The following PARD3 variants were observed in gnomAD, a reference collection of about 807,000 sequenced individuals.
PARD3 encodes partitioning defective 3 homolog.
PARD3 carries 75 observed loss-of-function variants against 155.4 expected under a neutral mutation model. That is an observed-to-expected ratio of 0.48 (90% CI 0.40 to 0.58). The LOEUF (loss-of-function observed/expected upper bound fraction) is 0.58. Ranked by LOEUF, PARD3 falls within the 20% of genes least tolerant of loss-of-function variation. The pLI is 0.00. For synonymous variants in PARD3, 576 were observed against 610.5 expected (o/e 0.94, Z 0.83); for missense variants, 1,642 against 1,721.7 (o/e 0.95, Z 0.82).
At chr10:34,215,597 G>A (rs575375263) in intron 22 of PARD3, among the ~76,000 whole-genome samples, 1 of 152,306 alleles carries the variant, frequency 6.6e-6, no homozygotes, top group East Asian at 1.9e-4. Flanking sequence ...GAATTTTGAA[G>A]AGTTCCAACT....
intron 2 of PARD3, among the ~76,000 whole-genome samples, chr10:34,642,471 T>C (rs74132081): frequency 6.6e-6 from 1 of 152,046 alleles, no homozygotes; most frequent in Non-Finnish European, 1.5e-5. Flanking sequence ...CTGCTCTTCC[T>C]GAGACCCTGA....
chr10:34,308,499 T>C (rs1957528535), intron 20 of PARD3, among the ~76,000 whole-genome samples: 1 of 152,034 alleles, frequency 6.6e-6, no homozygotes, highest in African/African-American at 2.4e-5. Context: ...TAAGGGAAAA[T>C]CAGGTGTCAA....
At chr10:34,569,663 C>T (rs56777924) in intron 2 of PARD3, among the ~76,000 whole-genome samples, 60,535 of 151,796 alleles carry the variant, frequency 0.4, 12,138 homozygotes, top group South Asian at 0.45. Flanking sequence ...GTGATCCGCC[C>T]GCCTCCGCCT....
At chr10:34,138,926 T>C (rs1481044139) in intron 22 of PARD3, among the ~76,000 whole-genome samples, 1 of 150,436 alleles carries the variant, frequency 6.6e-6, no homozygotes, top group Non-Finnish European at 1.5e-5. Context: ...TTCCAAATTG[T>C]ATCAACAATC....
intron 20 of PARD3, among the ~76,000 whole-genome samples, chr10:34,289,456 C>T (rs1956568371): frequency 1.3e-5 from 2 of 152,048 alleles, no homozygotes; most frequent in African/African-American, 2.4e-5. Context: ...TCCCAAAGTG[C>T]TGGGACTACA....
chr10:34,684,878 T>TACACACATACAC (rs1554810260), intron 2 of PARD3, among the ~76,000 whole-genome samples: 3 of 137,886 alleles, frequency 2.2e-5, no homozygotes, highest in Non-Finnish European at 3.1e-5. Flanking sequence ...TACACACACA[T>TACACACATACAC]ACACACACAC....
chr10:34,390,964 T>G (rs1279548371), intron 7 of PARD3, among the ~76,000 whole-genome samples: 2 of 152,178 alleles, frequency 1.3e-5, no homozygotes, highest in Non-Finnish European at 2.9e-5. Flanking sequence ...ATAGAGAATG[T>G]CAATTCCAAA....
intron 2 of PARD3, among the ~76,000 whole-genome samples, chr10:34,668,317 C>G (rs2093539258): frequency 6.6e-6 from 1 of 152,176 alleles, no homozygotes; most frequent in Non-Finnish European, 1.5e-5. Context: ...TCTGGAGAAC[C>G]CTTCTCTTTT....
intron 2 of PARD3, among the ~76,000 whole-genome samples, chr10:34,622,524 C>T (rs1292675226): frequency 6.6e-6 from 1 of 152,174 alleles, no homozygotes; most frequent in African/African-American, 2.4e-5. Context: ...AAGTTATTCC[C>T]TCCTTGATGG....
At chr10:34,572,481 A>T (rs1298457707) in intron 2 of PARD3, among the ~76,000 whole-genome samples, 2 of 152,046 alleles carry the variant, frequency 1.3e-5, no homozygotes, top group African/African-American at 4.8e-5. Context: ...CTCTACCAAA[A>T]ATACAAAAAT....
chr10:34,375,833 AT>A (rs1219097112), intron 10 of PARD3, among the ~76,000 whole-genome samples: 1 of 152,196 alleles, frequency 6.6e-6, no homozygotes, highest in African/African-American at 2.4e-5. Context: ...ATTTCAGAAC[AT>A]TTCCCCTTCT....
intron 22 of PARD3, among the ~76,000 whole-genome samples, chr10:34,229,912 G>A (rs1171473322): frequency 2.0e-5 from 3 of 152,162 alleles, no homozygotes; most frequent in Admixed American, 2.0e-4. Context: ...TTACATAAAA[G>A]TCTTAAGTGA....
chr10:34,172,522 GGAC>G (rs1247593746), intron 22 of PARD3, among the ~76,000 whole-genome samples: 2 of 151,978 alleles, frequency 1.3e-5, no homozygotes, highest in Non-Finnish European at 2.9e-5. Context: ...TGTTATTTAG[GGAC>G]CTTTTAAAAA....
chr10:34,705,768 C>G (rs1158766728), intron 1 of PARD3, among the ~76,000 whole-genome samples: 1 of 152,322 alleles, frequency 6.6e-6, no homozygotes, highest in East Asian at 1.9e-4. Context: ...CTCAGCACCA[C>G]AACACAAGAC....
chr10:34,441,282 T>C (rs1348436960), intron 5 of PARD3, among the ~76,000 whole-genome samples: 1 of 152,120 alleles, frequency 6.6e-6, no homozygotes, highest in East Asian at 1.9e-4. Flanking sequence ...AAAGAAAACA[T>C]CTTATGAGTG....
chr10:34,336,076 T>A, intron 18 of PARD3, 123 bp downstream of exon 18: 1 of 664,512 alleles, frequency 1.5e-6, no homozygotes, highest in Non-Finnish European at 2.6e-6. Context: ...TTTCTCACAA[T>A]GAAAACATCT....
intron 22 of PARD3, among the ~76,000 whole-genome samples, chr10:34,233,321 C>T (rs534430744): frequency 6.6e-6 from 1 of 152,016 alleles, no homozygotes; most frequent in Admixed American, 6.6e-5. Context: ...CCTGCTACCC[C>T]ATCTCAGTTT....
intron 3 of PARD3, among the ~76,000 whole-genome samples, chr10:34,496,528 C>T (rs765475452): frequency 8.5e-5 from 13 of 152,180 alleles, no homozygotes; most frequent in Non-Finnish European, 1.5e-4. Flanking sequence ...AAATTGAAAT[C>T]GGAGTTATAT....
intron 4 of PARD3, among the ~76,000 whole-genome samples, chr10:34,467,099 T>C (rs2078056818): frequency 6.6e-6 from 1 of 152,074 alleles, no homozygotes; most frequent in Admixed American, 6.5e-5. Context: ...ATTTTTAAGA[T>C]AAATATTATA....
Sources: gnomAD v4.1 joint callset for allele counts (sites outside exome capture counted in the v4.1 genomes callset) on GRCh38, gnomAD v4.1.1 for gene constraint, MANE v1.5 for transcripts, NCBI Gene and HGNC (gene_info 2026-07-23, HGNC 2026-07-21) for gene names.